The following CLNK variants were observed in gnomAD, a reference collection of about 807,000 sequenced individuals.
CLNK encodes the protein cytokine dependent hematopoietic cell linker.
A neutral mutation model predicts 68.6 loss-of-function variants in CLNK; 74 were observed. That is an observed-to-expected ratio of 1.08 (90% CI 0.89 to 1.31). CLNK has a LOEUF of 1.31. Among genes scored for constraint, CLNK ranks in the 50% most tolerant of loss-of-function variants. The pLI is 0.00. For missense variants in CLNK, 553 were observed against 515.3 expected (o/e 1.07, Z -0.71); for synonymous variants, 198 against 172.2 (o/e 1.15, Z -1.17).
At chr4:10,647,799 A>G (rs935482224) in intron 2 of CLNK, among the ~76,000 whole-genome samples, 6 of 152,202 alleles carry the variant, frequency 3.9e-5, no homozygotes, top group African/African-American at 1.2e-4. Context: ...GACCCATGAA[A>G]GACACTATTG....
At chr4:10,646,687 C>CTT (rs1029827866) in intron 2 of CLNK, among the ~76,000 whole-genome samples, 2 of 149,918 alleles carry the variant, frequency 1.3e-5, no homozygotes, top group African/African-American at 4.9e-5. Flanking sequence ...CTCACCTGCT[C>CTT]TTTTTTTTTT....
At chr4:10,715,020 T>C in the CLNK span, among the ~76,000 whole-genome samples, 1 of 152,224 alleles carries the variant, frequency 6.6e-6, no homozygotes, top group Non-Finnish European at 1.5e-5. Flanking sequence ...AATGATCATG[T>C]AATTTTTATG....
At chr4:10,550,156 T>C (rs1227352768) in intron 8 of CLNK, among the ~76,000 whole-genome samples, 2 of 152,212 alleles carry the variant, frequency 1.3e-5, no homozygotes, top group African/African-American at 4.8e-5. Flanking sequence ...TGTTAAACTT[T>C]CAGAAATTCT....
At chr4:10,511,797 T>C (rs1305532033) in intron 16 of CLNK, among the ~76,000 whole-genome samples, 1 of 152,222 alleles carries the variant, frequency 6.6e-6, no homozygotes, top group Non-Finnish European at 1.5e-5. Flanking sequence ...CCGTCTTTTG[T>C]CTATTGTAAA....
chr4:10,671,137 A>G (rs11731409), intron 1 of CLNK, among the ~76,000 whole-genome samples: 122,081 of 152,124 alleles, frequency 0.8, 49,525 homozygotes, highest in Non-Finnish European at 0.87. Context: ...TGTAATCCCA[A>G]CATTTTGGGA....
At chr4:10,520,521 G>T (rs1718014798) in intron 15 of CLNK, among the ~76,000 whole-genome samples, 1 of 152,178 alleles carries the variant, frequency 6.6e-6, no homozygotes, top group Admixed American at 6.5e-5. Context: ...CTTATGAAGG[G>T]AAATGATCAC....
At chr4:10,652,638 C>A (rs1412888410) in intron 2 of CLNK, among the ~76,000 whole-genome samples, 1 of 151,892 alleles carries the variant, frequency 6.6e-6, no homozygotes, top group Admixed American at 6.6e-5. Flanking sequence ...AATTAGTTCA[C>A]CAGGAGGGAA....
intron 8 of CLNK, among the ~76,000 whole-genome samples, chr4:10,558,107 A>C (rs1423682792): frequency 6.6e-6 from 1 of 152,176 alleles, no homozygotes; most frequent in Non-Finnish European, 1.5e-5. Flanking sequence ...ATGCTTGGAG[A>C]GATAACATGA....
At chr4:10,519,860 G>T (rs969543385) in intron 15 of CLNK, among the ~76,000 whole-genome samples, 2 of 152,068 alleles carry the variant, frequency 1.3e-5, no homozygotes, top group African/African-American at 2.4e-5. Context: ...ATATTAATAT[G>T]AATATGTCAG....
chr4:10,720,440 A>G, the CLNK span, among the ~76,000 whole-genome samples: 1 of 152,118 alleles, frequency 6.6e-6, no homozygotes. Flanking sequence ...ATACGAACAG[A>G]TATTTCGGAA....
At chr4:10,654,961 GC>G (rs1329519793) in intron 2 of CLNK, among the ~76,000 whole-genome samples, 2 of 151,770 alleles carry the variant, frequency 1.3e-5, no homozygotes, top group Non-Finnish European at 2.9e-5. Flanking sequence ...AATTAGCTGG[GC>G]GCGGTGGCAG....
At chr4:10,572,355 G>A (rs767035184) in intron 4 of CLNK, among the ~76,000 whole-genome samples, 2 of 152,184 alleles carry the variant, frequency 1.3e-5, no homozygotes, top group Non-Finnish European at 2.9e-5. Context: ...CACAGCAGTT[G>A]CCTTTTCTCA....
chr4:10,731,858 A>C, the CLNK span, among the ~76,000 whole-genome samples: 1 of 152,220 alleles, frequency 6.6e-6, no homozygotes, highest in East Asian at 1.9e-4. Context: ...ATGCAAATCT[A>C]ACGTAGTCTG....
At chr4:10,588,048 T>C (rs1349829617) in intron 3 of CLNK, among the ~76,000 whole-genome samples, 1 of 152,200 alleles carries the variant, frequency 6.6e-6, no homozygotes, top group Non-Finnish European at 1.5e-5. Flanking sequence ...TCTTGGTCTT[T>C]GATTAAGGCC....
At chr4:10,710,707 C>G in the CLNK span, among the ~76,000 whole-genome samples, 1 of 152,202 alleles carries the variant, frequency 6.6e-6, no homozygotes, top group Non-Finnish European at 1.5e-5. Flanking sequence ...CCTGAGCCAG[C>G]CTCCCAGAGG....
chr4:10,607,649 A>C (rs1167946263), intron 2 of CLNK, among the ~76,000 whole-genome samples: 3 of 152,202 alleles, frequency 2.0e-5, no homozygotes, highest in South Asian at 4.1e-4. Context: ...ACAAGCTTCT[A>C]TTCTGAAGCA....
At chr4:10,561,956 G>T (rs538670527) in intron 7 of CLNK, among the ~76,000 whole-genome samples, 7 of 152,230 alleles carry the variant, frequency 4.6e-5, no homozygotes, top group African/African-American at 1.7e-4. Context: ...TCTTACAAAG[G>T]CACCATGGTA....
chr4:10,574,518 C>T (rs964667922), intron 4 of CLNK, among the ~76,000 whole-genome samples: 1 of 152,162 alleles, frequency 6.6e-6, no homozygotes, highest in Non-Finnish European at 1.5e-5. Context: ...TCCGCAAGAA[C>T]ATTTCAGGTC....
intron 2 of CLNK, among the ~76,000 whole-genome samples, chr4:10,655,328 CAAAGACAGAGAGAG>C (rs1723929608): frequency 4.6e-5 from 4 of 87,630 alleles, no homozygotes; most frequent in Admixed American, 1.4e-4. Flanking sequence ...CTAAAACCCC[CAAAGACAGAGAGAG>C]AGAGAGAGAG....
Sources: gnomAD v4.1 joint callset for allele counts (sites outside exome capture counted in the v4.1 genomes callset) on GRCh38, gnomAD v4.1.1 for gene constraint, MANE v1.5 for transcripts, NCBI Gene and HGNC (gene_info 2026-07-23, HGNC 2026-07-21) for gene names.